Variants in LZTS1 observed in about 807,000 individuals in gnomAD.
LZTS1 encodes leucine zipper tumor suppressor 1.
In LZTS1, 31 loss-of-function variants were observed where a neutral mutation model predicts 45.8. The ratio of observed to expected loss-of-function variants is 0.68; its 90% CI spans 0.51 to 0.91. The LOEUF is 0.91. Among genes scored for constraint, LZTS1 ranks in the 40% least tolerant of loss-of-function variants. The pLI, the probability that LZTS1 is intolerant of heterozygous loss-of-function variation, is 0.00. For synonymous variants in LZTS1, 359 were observed against 357.3 expected (o/e 1.00, Z -0.05); for missense variants, 821 against 788.9 (o/e 1.04, Z -0.49).
Position 20,251,911 on chromosome 8 carries a change from C to G in LZTS1, c.1149+871G>C, listed in dbSNP as rs1318115246. Among the ~76,000 whole-genome samples, 5 of 152,128 alleles carry G rather than the reference C, an allele frequency of 3.3e-5. No individual in the cohort carries two copies. In the South Asian group the frequency reaches 8.3e-4, roughly 25 times the overall value. On this transcript the variant is annotated intron_variant, in intron 3 of 3. Coordinates refer to ENST00000381569, the MANE Select transcript of LZTS1 (RefSeq NM_021020.5). The stretch of plus-strand genomic sequence containing the variant: ...GTGTTAAATGGGGGTGATACAGCTG[C>G]CAGCAGTGGGCAAGTTAAACCACTG...
chr8:20,277,815 C>G (rs1229581322), intron 1 of LZTS1, among the ~76,000 whole-genome samples: 2 of 152,180 alleles, frequency 1.3e-5, no homozygotes, highest in Admixed American at 1.3e-4. Context: ...CTAGCCATTT[C>G]CCAGTAGGAC....
chr8:20,292,228 A>T (rs1195163338), intron 1 of LZTS1, among the ~76,000 whole-genome samples: 1 of 152,228 alleles, frequency 6.6e-6, no homozygotes, highest in Non-Finnish European at 1.5e-5. Flanking sequence ...CCTGGCACCC[A>T]GTGTGTCTGA....
intron 1 of LZTS1, among the ~76,000 whole-genome samples, chr8:20,284,608 T>C (rs12677666): frequency 0.3 from 45,618 of 152,012 alleles, 6,955 homozygotes; most frequent in Middle Eastern, 0.4. Context: ...ACATTGTCCG[T>C]GGAGACCTGT....
chr8:20,292,806 A>T (rs1368918200), intron 1 of LZTS1, among the ~76,000 whole-genome samples: 1 of 152,156 alleles, frequency 6.6e-6, no homozygotes, highest in East Asian at 1.9e-4. Flanking sequence ...TAGTAGAAAG[A>T]GCCCTGATGT....
chr8:20,254,760 C>T (rs947000777), intron 2 of LZTS1, 77 bp downstream of exon 2: 3 of 1,250,872 alleles, frequency 2.4e-6, no homozygotes, highest in African/African-American at 1.5e-5. Flanking sequence ...TCCCCCTGAA[C>T]CCCCAGGCTC....
At chr8:20,251,098 A>AATATATATATAT (rs527759585) in intron 3 of LZTS1, among the ~76,000 whole-genome samples, 46 of 41,332 alleles carry the variant, frequency 1.1e-3, no homozygotes, top group Non-Finnish European at 1.9e-3. Context: ...CCTGAGGGCT[A>AATATATATATAT]ATATATATAT....
Position 20,253,303 on chromosome 8 carries a change from C to T in LZTS1, c.628G>A (p.Ala210Thr), listed in dbSNP as rs749222027. 5.6e-6 allele frequency: 9 copies of T among 1,613,874 alleles called. No homozygotes were observed. The highest frequency in any genetic ancestry group is 2.7e-5 in the African/African-American group (2 of 74,942). The change falls in exon 3 of 4, where the codon GCC becomes ACC. Residue 210 changes from alanine (A) to threonine (T), a missense_variant. By Grantham distance (58) the Ala-to-Thr change is moderately conservative. Transcript: ENST00000381569. Reference sequence around the variant, plus strand: ...ACGATGCCCTGGGTGATGTTGTGGGCGGAGCCCCCAAAACGGCTTGTGGGT... The same window carrying T: ...ACGATGCCCTGGGTGATGTTGTGGGTGGAGCCCCCAAAACGGCTTGTGGGT... ...VGPTSRFGGS[A>T]HNITQGIVLQ...
At chr8:20,293,149 A>T (rs575072017) in intron 1 of LZTS1, among the ~76,000 whole-genome samples, 12 of 152,176 alleles carry the variant, frequency 7.9e-5, no homozygotes, top group African/African-American at 2.9e-4. Flanking sequence ...TTCTAGAAAG[A>T]AGTCTCTCCA....
intron 1 of LZTS1, among the ~76,000 whole-genome samples, chr8:20,286,667 T>A (rs937356352): frequency 6.6e-6 from 1 of 152,294 alleles, no homozygotes; most frequent in East Asian, 1.9e-4. Flanking sequence ...AATGGCCACA[T>A]GTGTTCACTT....
intron 3 of LZTS1, among the ~76,000 whole-genome samples, chr8:20,251,123 AT>A (rs1393038588): frequency 8.2e-5 from 2 of 24,392 alleles, no homozygotes; most frequent in African/African-American, 4.0e-4. Flanking sequence ...ATATATATAT[AT>A]ATATATATAT....
chr8:20,289,201 G>A (rs2128898587), intron 1 of LZTS1: 1 of 152,164 alleles, frequency 6.6e-6, no homozygotes, highest in South Asian at 2.1e-4. Flanking sequence ...TGTATCAATT[G>A]TTTGCAGGAA....
At chr8:20,287,015 T>C (rs1334376009) in intron 1 of LZTS1, among the ~76,000 whole-genome samples, 2 of 141,518 alleles carry the variant, frequency 1.4e-5, no homozygotes, top group Admixed American at 1.3e-4. Flanking sequence ...ATGAAAAATT[T>C]GCAAACTTGT....
chr8:20,303,116 C>T (rs1277997288), intron 1 of LZTS1, among the ~76,000 whole-genome samples: 1 of 152,078 alleles, frequency 6.6e-6, no homozygotes, highest in East Asian at 1.9e-4. Flanking sequence ...AATTGCACAT[C>T]CAGGACCGAC....
At chr8:20,255,827 C>A (rs1800084752) in intron 1 of LZTS1, among the ~76,000 whole-genome samples, 1 of 152,008 alleles carries the variant, frequency 6.6e-6, no homozygotes, top group South Asian at 2.1e-4. Flanking sequence ...GTAATCCCAG[C>A]ACTCTGGGAG....
intron 1 of LZTS1, among the ~76,000 whole-genome samples, chr8:20,280,376 T>C (rs142399003): frequency 6.6e-6 from 1 of 152,180 alleles, no homozygotes; most frequent in Admixed American, 6.5e-5. Context: ...GCTGGCAGTC[T>C]TCTTCAGAGT....
At chr8:20,297,460 G>C (rs1017256979) in intron 1 of LZTS1, among the ~76,000 whole-genome samples, 1 of 152,112 alleles carries the variant, frequency 6.6e-6, no homozygotes, top group Non-Finnish European at 1.5e-5. Flanking sequence ...TTTAGCCTAG[G>C]TTGCAGTGCA....
intron 1 of LZTS1, among the ~76,000 whole-genome samples, chr8:20,269,352 C>T (rs1800428856): frequency 6.6e-6 from 1 of 152,170 alleles, no homozygotes; most frequent in African/African-American, 2.4e-5. Context: ...TCCCGTCTTA[C>T]CTGGAGAGAC....
At chr8:20,281,058 G>C (rs1044184309) in intron 1 of LZTS1, among the ~76,000 whole-genome samples, 5 of 152,188 alleles carry the variant, frequency 3.3e-5, no homozygotes, top group African/African-American at 1.2e-4. Flanking sequence ...CAGCAAAGAC[G>C]GTGTCTACTC....
intron 3 of LZTS1, among the ~76,000 whole-genome samples, chr8:20,251,134 T>C (rs1398317052): frequency 4.3e-5 from 3 of 69,676 alleles, no homozygotes; most frequent in African/African-American, 1.5e-4. Context: ...TATATATATA[T>C]ATATATATAT....
Sources: allele counts gnomAD v4.1 joint callset (sites outside exome capture counted in the v4.1 genomes callset), GRCh38; gene constraint gnomAD v4.1.1; transcripts MANE v1.5; gene names NCBI Gene and HGNC (gene_info 2026-07-23, HGNC 2026-07-21).